SCLT1: variants seen among roughly 807,000 people sequenced by gnomAD.
The protein encoded by SCLT1 is sodium channel and clathrin linker 1, also known as sodium channel-associated protein 1.
SCLT1 carries 78 observed loss-of-function variants against 112.8 expected under a neutral mutation model. The observed-to-expected ratio is 0.69, with a 90% CI of 0.58 to 0.83. The LOEUF is 0.83. SCLT1 is among the 40% of genes least tolerant of loss of function. SCLT1 has a pLI of 0.00. For synonymous variants in SCLT1, 257 were observed against 254.7 expected (o/e 1.01, Z -0.09); for missense variants, 747 against 770.4 (o/e 0.97, Z 0.36).
At chr4:129,000,371 G>A (rs1196563236) in intron 6 of SCLT1, among the ~76,000 whole-genome samples, 2 of 151,858 alleles carry the variant, frequency 1.3e-5, no homozygotes, top group Non-Finnish European at 2.9e-5. Context: ...GGACAATATA[G>A]TGGGCTATTT....
At chr4:128,977,264 A>C (rs1741259188) in intron 9 of SCLT1, among the ~76,000 whole-genome samples, 1 of 152,218 alleles carries the variant, frequency 6.6e-6, no homozygotes, top group Admixed American at 6.5e-5. Flanking sequence ...GTTGAGCCTT[A>C]AGTGCTGGTG....
chr4:129,057,909 G>A (rs959358018), intron 2 of SCLT1, among the ~76,000 whole-genome samples: 6 of 151,716 alleles, frequency 4.0e-5, no homozygotes, highest in Admixed American at 2.6e-4. Context: ...CCACCACCAC[G>A]CCTGGCTAAT....
chr4:129,064,250 A>T (rs182547586), intron 2 of SCLT1, among the ~76,000 whole-genome samples: 1 of 152,296 alleles, frequency 6.6e-6, no homozygotes, highest in East Asian at 1.9e-4. Flanking sequence ...TATGGTTTGC[A>T]AATTTTTCTG....
At chr4:128,892,187 CT>C (rs1733382343) in intron 18 of SCLT1, among the ~76,000 whole-genome samples, 1 of 152,152 alleles carries the variant, frequency 6.6e-6, no homozygotes. Context: ...TATTCTATTG[CT>C]TTTAGCCAAA....
At chr4:129,042,593 T>G (rs181731287) in intron 4 of SCLT1, among the ~76,000 whole-genome samples, 1 of 152,250 alleles carries the variant, frequency 6.6e-6, no homozygotes, top group East Asian at 1.9e-4. Context: ...AAGCAATATC[T>G]CATGCAAGAT....
chr4:128,925,834 T>A (rs1044907861), intron 18 of SCLT1, among the ~76,000 whole-genome samples: 1 of 152,064 alleles, frequency 6.6e-6, no homozygotes, highest in Non-Finnish European at 1.5e-5. Flanking sequence ...CAGTGTATGA[T>A]CTGCTGTTAA....
chr4:129,073,551 A>G (rs1751207922), intron 2 of SCLT1, among the ~76,000 whole-genome samples: 1 of 151,982 alleles, frequency 6.6e-6, no homozygotes, highest in Non-Finnish European at 1.5e-5. Flanking sequence ...CCTGATTGTT[A>G]CTCCTATCAC....
chr4:129,033,502 T>TAAAAAAAA (rs56325033), intron 5 of SCLT1, among the ~76,000 whole-genome samples: 47 of 44,314 alleles, frequency 1.1e-3, no homozygotes, highest in Non-Finnish European at 1.8e-3. Flanking sequence ...GAACTTAAAG[T>TAAAAAAAA]AAAAAAAAAA....
chr4:129,019,460 T>C (rs1307953382), intron 5 of SCLT1, among the ~76,000 whole-genome samples: 1 of 152,082 alleles, frequency 6.6e-6, no homozygotes, highest in East Asian at 1.9e-4. Flanking sequence ...TTTGCAGGTG[T>C]TAAAAGGTGG....
intron 2 of SCLT1, among the ~76,000 whole-genome samples, chr4:129,047,798 T>A (rs1045082500): frequency 6.6e-6 from 1 of 152,156 alleles, no homozygotes; most frequent in African/African-American, 2.4e-5. Context: ...TTTAGAGATG[T>A]CTATTCAGCT....
chr4:129,039,223 T>C (rs1747458171), intron 4 of SCLT1, 127 bp from the exon 5 acceptor site: 2 of 606,088 alleles, frequency 3.3e-6, no homozygotes, highest in Non-Finnish European at 6.0e-6. Flanking sequence ...ATTCTTTATT[T>C]ATAACAAAGG....
In SCLT1 at chr4:128,956,853, C is replaced by G. The variant is rs1739258590; in HGVS notation, c.1146+173G>C. Among the ~76,000 whole-genome samples, 4 of 152,014 alleles carry G rather than the reference C, an allele frequency of 2.6e-5. No individual in the cohort carries two copies. The South Asian group carries it at 6.2e-4, about 24-fold the overall frequency. On this transcript the variant is annotated intron_variant, in intron 13 of 20. Transcript: ENST00000281142. ...TGGAGATAATTTTAAAGGAAAGGAG[C>G]CTTTACTCAGTTCCTTTAGTTAGTT...
chr4:129,038,951 T>C lies in SCLT1; in HGVS notation c.290+90A>G, dbSNP rs185940778. 5.6e-5 allele frequency: 46 copies of C among 819,450 alleles called. No homozygotes were observed. In the East Asian group the frequency reaches 7.0e-4, roughly 12 times the overall value. 50.8% of individuals were successfully genotyped at this position (819,450 alleles called of 1,614,324 possible). On this transcript the variant is annotated intron_variant, in intron 5 of 20. Coordinates refer to ENST00000281142, the MANE Select transcript of SCLT1 (RefSeq NM_144643.4). The stretch of plus-strand genomic sequence containing the variant: ...GCCCCGGGGTCCACATTCTTAACTA[T>C]TAATACTATAGCTATCAAATATCAA...
In SCLT1 at chr4:128,884,023, T is replaced by C. The variant is rs1256504970; in HGVS notation, c.*454A>G. 1.3e-5 allele frequency: 2 copies of C among 152,818 alleles called. No individual in the cohort carries two copies. Among genetic ancestry groups the C allele is most frequent in the Non-Finnish European group, 2.9e-5 (2 of 68,402 alleles). 9.5% of individuals were successfully genotyped at this position (152,818 alleles called of 1,614,324 possible). ...GAAAGTGCACAATTTATTACATTTATGAGTTCATAATAAAATGGATACTTA... is the reference window on the plus strand; with the variant it reads ...GAAAGTGCACAATTTATTACATTTACGAGTTCATAATAAAATGGATACTTA... On this transcript the variant is annotated 3_prime_UTR_variant, in exon 21 of 21. Transcript: ENST00000281142.
chr4:128,910,781 T>C (rs918779824), intron 18 of SCLT1, among the ~76,000 whole-genome samples: 3 of 152,168 alleles, frequency 2.0e-5, no homozygotes, highest in Non-Finnish European at 2.9e-5. Context: ...TTTAACATCA[T>C]CTTTTCACCA....
intron 2 of SCLT1, among the ~76,000 whole-genome samples, chr4:129,046,116 A>T (rs1352625690): frequency 6.6e-6 from 1 of 152,144 alleles, no homozygotes; most frequent in Non-Finnish European, 1.5e-5. Context: ...TAATTCTCAC[A>T]AGGTGAATAT....
chr4:129,080,277 A>C (rs1751821870), intron 2 of SCLT1, among the ~76,000 whole-genome samples: 1 of 152,200 alleles, frequency 6.6e-6, no homozygotes, highest in African/African-American at 2.4e-5. Flanking sequence ...TCAGGCTGTA[A>C]ACTTTCCAAA....
chr4:128,965,005 C>A (rs764770153), intron 11 of SCLT1, among the ~76,000 whole-genome samples: 2 of 152,128 alleles, frequency 1.3e-5, no homozygotes, highest in Non-Finnish European at 2.9e-5. Flanking sequence ...GTTCTAAAAT[C>A]ATATTAAACA....
At chr4:129,067,376 A>G (rs538272542) in intron 2 of SCLT1, among the ~76,000 whole-genome samples, 8 of 152,142 alleles carry the variant, frequency 5.3e-5, no homozygotes, top group Admixed American at 3.3e-4. Context: ...AATATGAATT[A>G]GGTAAAATGA....
Sources: gnomAD v4.1 joint callset for allele counts (sites outside exome capture counted in the v4.1 genomes callset) on GRCh38, gnomAD v4.1.1 for gene constraint, MANE v1.5 for transcripts, NCBI Gene and HGNC (gene_info 2026-07-23, HGNC 2026-07-21) for gene names.